KIAA0586: variants seen among roughly 807,000 people sequenced by gnomAD.
KIAA0586 encodes KIAA0586.
Under a neutral mutation model 169.8 loss-of-function variants are expected in KIAA0586, and 144 were observed. That is an observed-to-expected ratio of 0.85 (90% confidence interval 0.74 to 0.97). The LOEUF (loss-of-function observed/expected upper bound fraction) is 0.97. Among genes scored for constraint, KIAA0586 ranks in the 50% least tolerant of loss-of-function variants. The probability of loss-of-function intolerance (pLI) is 0.00; values close to 1 mark genes in which losing one functional copy is unlikely to be tolerated. For synonymous variants in KIAA0586, 625 were observed against 612.4 expected, an observed-to-expected ratio of 1.02 and a Z score of -0.30; for missense variants, 1,854 against 1,823.0, an observed-to-expected ratio of 1.02 and a Z score of -0.31.
chr14:58,509,856 T>C (rs1228601904), intron 28 of KIAA0586, among the ~76,000 whole-genome samples: 1 of 144,498 alleles, frequency 6.9e-6, no homozygotes, highest in Non-Finnish European at 1.6e-5. Flanking sequence ...AAATAAGAAC[T>C]TCTGTTCTTC....
chr14:58,530,225 A>G (rs1356809976), intron 29 of KIAA0586, among the ~76,000 whole-genome samples: 2 of 152,248 alleles, frequency 1.3e-5, no homozygotes, highest in African/African-American at 4.8e-5. Context: ...TTCCATGCTT[A>G]TGGATAGGAA....
At chr14:58,497,516 C>A (rs566666589) in intron 26 of KIAA0586, among the ~76,000 whole-genome samples, 3 of 151,390 alleles carry the variant, frequency 2.0e-5, no homozygotes, top group African/African-American at 4.9e-5. Flanking sequence ...CCCGCCACCA[C>A]GCCTGGCTAA....
intron 29 of KIAA0586, among the ~76,000 whole-genome samples, chr14:58,526,215 A>T (rs2045574395): frequency 6.6e-6 from 1 of 152,186 alleles, no homozygotes. Flanking sequence ...TTGCTAAGGG[A>T]CAGACTGCCT....
At chr14:58,433,810 G>A (rs918345198) in intron 4 of KIAA0586, among the ~76,000 whole-genome samples, 1 of 152,134 alleles carries the variant, frequency 6.6e-6, no homozygotes, top group African/African-American at 2.4e-5. Context: ...GAGCCCAAGA[G>A]TTTGAGACCA....
chr14:58,490,799 GA>G (rs1239522936), intron 25 of KIAA0586, among the ~76,000 whole-genome samples: 1 of 151,970 alleles, frequency 6.6e-6, no homozygotes, highest in Non-Finnish European at 1.5e-5. Context: ...AACCGTTAAG[GA>G]ATAGAAATCT....
rs200094677 is a variant in KIAA0586 at position 58,450,697 on chromosome 14, G to C, written c.1080G>C (p.Arg360Ser). The change falls in exon 8 of 31, where the codon AGG (arginine) becomes AGC (serine). Residue 360 changes from arginine to serine, a missense_variant. Physicochemically the swap from Arg to Ser is moderately radical, Grantham distance 110. Transcript: ENST00000652326. Reference protein sequence around the residue: ...PVSRDDELSKRENLLEEKENM... With the variant: ...PVSRDDELSKSENLLEEKENM... ...CAAGGGATGATGAACTATCAAAGAG[G>C]GAAAATCTTTTGGAAGAAAAAGAAA... 1.2e-4 allele frequency: 188 copies of C among 1,609,006 alleles called. No individual in the cohort carries two copies. The highest frequency in any genetic ancestry group is 1.5e-4 in the Non-Finnish European group (172 of 1,175,780).
intron 20 of KIAA0586, among the ~76,000 whole-genome samples, chr14:58,478,585 G>A (rs1026281384): frequency 1.3e-5 from 2 of 152,096 alleles, no homozygotes; most frequent in Non-Finnish European, 1.5e-5. Flanking sequence ...TCCTCCCTCA[G>A]CCTCCCAAAG....
intron 14 of KIAA0586, among the ~76,000 whole-genome samples, chr14:58,461,745 T>C (rs2040339982): frequency 6.6e-6 from 1 of 152,242 alleles, no homozygotes; most frequent in African/African-American, 2.4e-5. Flanking sequence ...AGATCAGCCA[T>C]TTGCTGTTTA....
At chr14:58,427,623 G>A, upstream of KIAA0586, 2 of 1,535,690 alleles carry the variant, frequency 1.3e-6, no homozygotes, top group Non-Finnish European at 1.7e-6. Flanking sequence ...TTAGCTTTCT[G>A]GTTGGATGTT....
chr14:58,531,147 C>A (rs2045936757), intron 29 of KIAA0586, among the ~76,000 whole-genome samples: 2 of 148,784 alleles, frequency 1.3e-5, no homozygotes. Context: ...GAAACCCCGT[C>A]TCTACTAAAA....
At chr14:58,447,807 G>A (rs919611733) in intron 6 of KIAA0586, among the ~76,000 whole-genome samples, 2 of 152,098 alleles carry the variant, frequency 1.3e-5, no homozygotes, top group Admixed American at 6.6e-5. Flanking sequence ...AATAAATAGT[G>A]CTGAAAACTA....
At chr14:58,513,585 T>A (rs1038615027) in intron 29 of KIAA0586, among the ~76,000 whole-genome samples, 10 of 151,938 alleles carry the variant, frequency 6.6e-5, no homozygotes, top group South Asian at 6.2e-4. Flanking sequence ...GACCCTTTTT[T>A]TTTTTAACCT....
At chr14:58,521,865 G>T in intron 29 of KIAA0586, 1 of 1,103,434 alleles carries the variant, frequency 9.1e-7, no homozygotes, top group Non-Finnish European at 1.4e-6. Context: ...TGCTGAGGAG[G>T]ACCTACTAGA....
At chr14:58,431,972 A>C (rs1345066198) in intron 3 of KIAA0586, among the ~76,000 whole-genome samples, 3 of 152,158 alleles carry the variant, frequency 2.0e-5, no homozygotes, top group African/African-American at 7.2e-5. Flanking sequence ...GGCATTTTGT[A>C]GGAATCTTTA....
At chr14:58,495,043 G>A (rs979810711) in intron 26 of KIAA0586, among the ~76,000 whole-genome samples, 1 of 152,082 alleles carries the variant, frequency 6.6e-6, no homozygotes, top group Admixed American at 6.5e-5. Flanking sequence ...TTAACTGTCT[G>A]TCTTTCCAGG....
the KIAA0586 span, among the ~76,000 whole-genome samples, chr14:58,559,000 G>A: frequency 6.6e-6 from 1 of 152,210 alleles, no homozygotes; most frequent in African/African-American, 2.4e-5. Flanking sequence ...GCCTTTGGAT[G>A]CGGTCCTTAT....
the KIAA0586 span, among the ~76,000 whole-genome samples, chr14:58,556,947 G>A: frequency 1.1e-4 from 16 of 152,240 alleles, no homozygotes; most frequent in Admixed American, 2.0e-4. Flanking sequence ...GTTTCTCCCT[G>A]TTGGTCAGGC....
chr14:58,484,697 G>T (rs899221244), intron 21 of KIAA0586, among the ~76,000 whole-genome samples: 1 of 149,726 alleles, frequency 6.7e-6, no homozygotes, highest in Admixed American at 6.7e-5. Context: ...AAGACATAGT[G>T]TACTTCTTTC....
intron 9 of KIAA0586, 105 bp downstream of exon 9, chr14:58,453,578 T>G (rs1417106227): frequency 2.7e-6 from 2 of 729,926 alleles, no homozygotes; most frequent in Non-Finnish European, 4.2e-6. Context: ...CTTCTTAAAT[T>G]TATCTTAGAT....
Sources: gnomAD v4.1 joint callset for allele counts (sites outside exome capture counted in the v4.1 genomes callset) on GRCh38, gnomAD v4.1.1 for gene constraint, MANE v1.5 for transcripts, NCBI Gene and HGNC (gene_info 2026-07-23, HGNC 2026-07-21) for gene names.